The following PUS10 variants were observed in gnomAD, a reference collection of about 807,000 sequenced individuals.
PUS10 encodes the protein pseudouridine synthase 10.
PUS10 carries 59 observed loss-of-function variants against 75.0 expected under a neutral mutation model. That is an observed-to-expected ratio of 0.79 (90% CI 0.64 to 0.98). The LOEUF is 0.98. Among genes scored for constraint, PUS10 ranks in the 50% least tolerant of loss-of-function variants. PUS10 has a pLI of 0.00. For missense variants in PUS10, 650 were observed against 614.4 expected (o/e 1.06, Z -0.61); for synonymous variants, 219 against 211.6 (o/e 1.03, Z -0.30).
At chr2:61,003,995 A>G (rs1471102494) in intron 4 of PUS10, among the ~76,000 whole-genome samples, 1 of 152,248 alleles carries the variant, frequency 6.6e-6, no homozygotes, top group African/African-American at 2.4e-5. Context: ...AAATCATTCA[A>G]ATGGACTCAA....
intron 15 of PUS10, 148 bp from the exon 16 acceptor site, chr2:60,948,333 T>C: frequency 1.4e-6 from 1 of 734,756 alleles, no homozygotes; most frequent in South Asian, 1.7e-5. Context: ...GTTCAAACTC[T>C]GTGGGACTTC....
intron 4 of PUS10, among the ~76,000 whole-genome samples, chr2:60,993,065 G>C (rs1412157946): frequency 6.6e-6 from 1 of 152,170 alleles, no homozygotes; most frequent in Non-Finnish European, 1.5e-5. Context: ...CGCACTAATT[G>C]TGAAACCAAA....
intron 4 of PUS10, among the ~76,000 whole-genome samples, chr2:60,997,002 G>C (rs1055833184): frequency 6.6e-6 from 1 of 152,182 alleles, no homozygotes; most frequent in African/African-American, 2.4e-5. Context: ...GCCATAAAAA[G>C]CTGGGGAGTC....
At chr2:60,952,219 C>A (rs946740648) in intron 15 of PUS10, among the ~76,000 whole-genome samples, 1 of 151,278 alleles carries the variant, frequency 6.6e-6, no homozygotes, top group Non-Finnish European at 1.5e-5. Flanking sequence ...CTATAATCTC[C>A]GCTACCCAGG....
chr2:61,006,114 A>T (rs1452471070), intron 4 of PUS10, among the ~76,000 whole-genome samples: 3 of 152,136 alleles, frequency 2.0e-5, no homozygotes, highest in African/African-American at 7.2e-5. Context: ...CCCTTTTATC[A>T]TTGACTGGAA....
chr2:60,994,922 CTACTAAAAA>C (rs1678351178), intron 4 of PUS10, among the ~76,000 whole-genome samples: 1 of 152,140 alleles, frequency 6.6e-6, no homozygotes, highest in Non-Finnish European at 1.5e-5. Context: ...AACCCTGTCT[CTACTAAAAA>C]TACAAAAAAT....
intron 4 of PUS10, among the ~76,000 whole-genome samples, chr2:60,972,501 G>T (rs1298360524): frequency 3.9e-5 from 6 of 152,000 alleles, no homozygotes; most frequent in Non-Finnish European, 1.5e-5. Flanking sequence ...AGAAATGTAT[G>T]CCAAATGCTT....
At chr2:60,999,537 T>C (rs1257837920) in intron 4 of PUS10, among the ~76,000 whole-genome samples, 1 of 152,158 alleles carries the variant, frequency 6.6e-6, no homozygotes, top group East Asian at 1.9e-4. Context: ...GAGGATTACT[T>C]GAGCCTAAGA....
At chr2:61,008,246 G>C (rs1679367382) in intron 3 of PUS10, among the ~76,000 whole-genome samples, 2 of 151,932 alleles carry the variant, frequency 1.3e-5, no homozygotes, top group Non-Finnish European at 2.9e-5. Context: ...AATTAGGGCT[G>C]GGCACAGTGG....
At chr2:60,948,562 T>C (rs1032972948) in intron 15 of PUS10, among the ~76,000 whole-genome samples, 6 of 152,000 alleles carry the variant, frequency 3.9e-5, no homozygotes, top group Admixed American at 2.6e-4. Flanking sequence ...ACATACCTAC[T>C]GTCAGGGGTG....
At chr2:61,015,501 C>G (rs1679911111) in intron 1 of PUS10, among the ~76,000 whole-genome samples, 1 of 151,928 alleles carries the variant, frequency 6.6e-6, no homozygotes, top group Non-Finnish European at 1.5e-5. Flanking sequence ...AGATCGAGAC[C>G]ATCCTGGCTA....
At chr2:60,972,957 G>A (rs1462307895) in intron 4 of PUS10, among the ~76,000 whole-genome samples, 1 of 152,226 alleles carries the variant, frequency 6.6e-6, no homozygotes, top group Non-Finnish European at 1.5e-5. Flanking sequence ...AGTAGCTGCT[G>A]CCATCAAGCC....
In PUS10 at chr2:60,961,564, A is replaced by C; in HGVS notation, c.789-16T>G. 1.3e-6 allele frequency: 2 copies of C among 1,596,272 alleles called. No homozygotes were observed. The highest frequency in any genetic ancestry group is 1.7e-6 in the Non-Finnish European group (2 of 1,163,784). On this transcript the variant is annotated splice_polypyrimidine_tract_variant and intron_variant, in intron 9 of 17. Transcript: ENST00000316752. ...AGGAAACTGCCTGCAAAACAAAATA[A>C]ATTTTATAGCTATTTTCCAGACATA...
At chr2:60,962,499 G>T (rs967211486) in intron 9 of PUS10, among the ~76,000 whole-genome samples, 5 of 152,068 alleles carry the variant, frequency 3.3e-5, no homozygotes, top group African/African-American at 7.2e-5. Context: ...ACTAGAACCC[G>T]AGAGGCAGAG....
intron 16 of PUS10, among the ~76,000 whole-genome samples, chr2:60,947,477 A>G (rs1558860500): frequency 6.6e-6 from 1 of 152,216 alleles, no homozygotes; most frequent in Non-Finnish European, 1.5e-5. Flanking sequence ...ATTATAGGAA[A>G]CATAACTTTA....
At chr2:60,992,526 C>T (rs1678175213) in intron 4 of PUS10, among the ~76,000 whole-genome samples, 1 of 152,114 alleles carries the variant, frequency 6.6e-6, no homozygotes, top group Admixed American at 6.6e-5. Flanking sequence ...AGTGATAATA[C>T]TAAAGGAATA....
chr2:60,989,384 A>G (rs35878972), intron 4 of PUS10, among the ~76,000 whole-genome samples: 25,599 of 152,074 alleles, frequency 0.17, 2,494 homozygotes, highest in Non-Finnish European at 0.22. Context: ...CTTTTGATTG[A>G]GTCTTTTGAG....
In PUS10 at chr2:60,941,310, A is replaced by G. The variant is rs971897211; in HGVS notation, c.*1085T>C. On this transcript the variant is annotated 3_prime_UTR_variant, in exon 18 of 18. Transcript: ENST00000316752. ...TGGTAAGCTCTTTGATTTGGTAACTACATTCCAAAAGTTAATTATCAGTTA... is the reference window on the plus strand; with the variant it reads ...TGGTAAGCTCTTTGATTTGGTAACTGCATTCCAAAAGTTAATTATCAGTTA... 2 of 152,274 alleles carry G rather than the reference A, an allele frequency of 1.3e-5. No homozygotes were observed. The highest frequency in any genetic ancestry group is 2.9e-5 in the Non-Finnish European group (2 of 67,980). The allele number at this position is 152,274 out of a possible 1,614,324, so 9.4% of individuals were successfully genotyped here. A position where few individuals can be genotyped will look rare whatever the true frequency, so the allele number is the denominator to read the frequency against.
At chr2:61,008,664 T>G in intron 3 of PUS10, 97 bp downstream of exon 3, 3 of 1,034,324 alleles carry the variant, frequency 2.9e-6, no homozygotes, top group Non-Finnish European at 4.1e-6. Context: ...AAAAAAGAAT[T>G]GTCTTGTCTT....
Sources: gnomAD v4.1 joint callset for allele counts (sites outside exome capture counted in the v4.1 genomes callset) on GRCh38, gnomAD v4.1.1 for gene constraint, MANE v1.5 for transcripts, NCBI Gene and HGNC (gene_info 2026-07-23, HGNC 2026-07-21) for gene names.